GRM7: variants seen among roughly 807,000 people sequenced by gnomAD.
GRM7 encodes glutamate metabotropic receptor 7, also known as metabotropic glutamate receptor 7.
GRM7 carries 35 observed loss-of-function variants against 84.5 expected under a neutral mutation model. The observed-to-expected ratio is 0.41, with a 90% CI of 0.32 to 0.55. The LOEUF (loss-of-function observed/expected upper bound fraction) is 0.55. Among genes scored for constraint, GRM7 ranks in the 20% least tolerant of loss-of-function variants. The pLI is 0.19. For missense variants in GRM7, 1,003 were observed against 1,194.6 expected (o/e 0.84, Z 2.36); for synonymous variants, 487 against 455.1 (o/e 1.07, Z -0.89).
At chr3:7,336,782 C>T (rs1451056744) in intron 4 of GRM7, among the ~76,000 whole-genome samples, 1 of 151,088 alleles carries the variant, frequency 6.6e-6, no homozygotes, top group Non-Finnish European at 1.5e-5. Context: ...AAGAGCTCAA[C>T]CTCTTTCACA....
At chr3:7,566,306 A>ACTTTG (rs1694265300) in intron 7 of GRM7, among the ~76,000 whole-genome samples, 1 of 152,146 alleles carries the variant, frequency 6.6e-6, no homozygotes, top group Admixed American at 6.5e-5. Context: ...GTTTTGACCC[A>ACTTTG]TAGGCCAGCT....
intron 7 of GRM7, among the ~76,000 whole-genome samples, chr3:7,537,802 A>G (rs1692636413): frequency 6.6e-6 from 1 of 152,214 alleles, no homozygotes; most frequent in Non-Finnish European, 1.5e-5. Context: ...GCAGATGTAT[A>G]TCTTCAGATG....
intron 7 of GRM7, among the ~76,000 whole-genome samples, chr3:7,552,742 A>G (rs1693545903): frequency 6.6e-6 from 1 of 152,226 alleles, no homozygotes; most frequent in Admixed American, 6.5e-5. Flanking sequence ...GAGACTGTGC[A>G]AAGCAGCGAG....
chr3:7,310,369 AT>A (rs570062600), intron 4 of GRM7, among the ~76,000 whole-genome samples: 30 of 152,344 alleles, frequency 2.0e-4, no homozygotes, highest in Admixed American at 5.2e-4. Flanking sequence ...CTTTTTAAAA[AT>A]AATAGTAATT....
Position 7,244,716 on chromosome 3 carries a change from A to G in GRM7, c.737-53968A>G, listed in dbSNP as rs373518600. ...AACAAAACAATAGTCTTCAAAAAAT[A>G]TAAATGATTTGCTGGCTTTGACAAT... is the stretch of plus-strand genomic sequence containing the variant. On this transcript the variant is annotated intron_variant, in intron 2 of 9. Coordinates refer to ENST00000357716, the MANE Select transcript of GRM7 (RefSeq NM_000844.4). Among the ~76,000 whole-genome samples the G allele has an allele frequency of 7.2e-5, 11 of 152,234 alleles. 1 individual carries two copies. Among genetic ancestry groups the G allele is most frequent in the Admixed American group, 5.2e-4 (8 of 15,268 alleles).
At chr3:6,970,826 C>G (rs1228116365) in intron 1 of GRM7, among the ~76,000 whole-genome samples, 5 of 152,002 alleles carry the variant, frequency 3.3e-5, no homozygotes, top group Non-Finnish European at 7.4e-5. Context: ...AAACAAAATA[C>G]AAAAAATTAG....
In GRM7 at chr3:7,556,909, T is replaced by C. The variant is rs115534634; in HGVS notation, c.1516-21513T>C. 5.5e-3 allele frequency among the ~76,000 whole-genome samples: 842 copies of C among 152,280 alleles called. 6 individuals are homozygous for C. The highest frequency in any genetic ancestry group is 0.019 in the African/African-American group (794 of 41,578). ...AGAATATGGCTGTAAAGCTCAGCTA[T>C]GGTAAACCTCTGGAGAATGCTCATA... On this transcript the variant is annotated intron_variant, in intron 7 of 9. Coordinates refer to ENST00000357716, the MANE Select transcript of GRM7 (RefSeq NM_000844.4).
intron 7 of GRM7, among the ~76,000 whole-genome samples, chr3:7,575,016 C>T (rs1223728290): frequency 6.6e-6 from 1 of 152,120 alleles, no homozygotes; most frequent in African/African-American, 2.4e-5. Flanking sequence ...AAACACTTTC[C>T]TAGGACTCTA....
At position 7,452,662 on chromosome 3, in the gene GRM7, C is replaced by T. The variant is rs143220145; in HGVS notation, c.1230C>T (p.Phe410=). ...ATGAGCAGGAGGGTAAAGTCCAGTT[C>T]GTGATTGACGCAGTCTATGCTATGG... ...SNYEQEGKVQ[F]VIDAVYAMAH... Residue 410 remains phenylalanine (F), a synonymous_variant, in exon 6 of 10, where the codon TTC becomes TTT. Transcript: ENST00000357716. 145 of 1,612,998 alleles carry T rather than the reference C, an allele frequency of 9.0e-5. No individual in the cohort carries two copies. Among genetic ancestry groups the T allele is most frequent in the African/African-American group, 3.3e-4 (25 of 74,822 alleles).
chr3:7,425,162 G>A (rs989177324), intron 5 of GRM7, among the ~76,000 whole-genome samples: 4 of 152,256 alleles, frequency 2.6e-5, no homozygotes, highest in Middle Eastern at 6.8e-3. Context: ...ATAAGGGCTC[G>A]TAGTAGAACA....
At chr3:7,633,558 T>G (rs80220012) in intron 8 of GRM7, among the ~76,000 whole-genome samples, 1,867 of 152,174 alleles carry the variant, frequency 0.012, 40 homozygotes, top group African/African-American at 0.043. Flanking sequence ...CAGGGGTATT[T>G]AGGAGGAGGG....
intron 1 of GRM7, among the ~76,000 whole-genome samples, chr3:6,905,982 T>G (rs77207023): frequency 0.021 from 3,178 of 152,294 alleles, 120 homozygotes; most frequent in African/African-American, 0.073. Context: ...TTTGTGTAAG[T>G]TAGCTTTTGT....
intron 4 of GRM7, among the ~76,000 whole-genome samples, chr3:7,413,673 G>A (rs73810630): frequency 0.041 from 6,307 of 152,038 alleles, 435 homozygotes; most frequent in African/African-American, 0.14. Flanking sequence ...TCTACCTGTC[G>A]AACCACCCAG....
intron 1 of GRM7, among the ~76,000 whole-genome samples, chr3:7,065,106 C>G (rs752415345): frequency 2.0e-5 from 3 of 151,628 alleles, no homozygotes; most frequent in Admixed American, 1.3e-4. Context: ...GTCAGATGTA[C>G]AGATTGTGAA....
chr3:7,225,282 A>G (rs1268146960), intron 2 of GRM7, among the ~76,000 whole-genome samples: 1 of 151,134 alleles, frequency 6.6e-6, no homozygotes, highest in Non-Finnish European at 1.5e-5. Context: ...TTTTAGCAAT[A>G]TGTGACTATA....
Position 7,306,644 on chromosome 3 carries a change from C to A in GRM7, c.1025C>A (p.Thr342Lys). Residue 342 changes from threonine to lysine, a missense_variant, in exon 4 of 10, where the codon ACG becomes AAG. Transcript: ENST00000357716. ...ATCACCATTCAGCCCAAGCGAGCCA[C>A]GGTGGAAGGTATGGGTTTCATCAGC... ...GAITIQPKRA[T>K]VEGFDAYFTS... is the part of the protein sequence containing the mutation. The A allele has an allele frequency of 2.5e-6, 4 of 1,600,320 alleles. No homozygotes were observed. The highest frequency in any genetic ancestry group is 3.4e-6 in the Non-Finnish European group (4 of 1,172,866).
intron 7 of GRM7, among the ~76,000 whole-genome samples, chr3:7,556,056 C>A (rs1693742083): frequency 6.6e-6 from 1 of 152,216 alleles, no homozygotes; most frequent in East Asian, 1.9e-4. Flanking sequence ...GGCTTATAAA[C>A]AACAGGCATT....
intron 1 of GRM7, among the ~76,000 whole-genome samples, chr3:7,000,018 TA>T (rs1257520929): frequency 2.0e-5 from 3 of 152,206 alleles, no homozygotes; most frequent in African/African-American, 7.2e-5. Flanking sequence ...CCTTCAATAA[TA>T]AATGGCATTG....
chr3:7,350,081 G>T (rs539186409), intron 4 of GRM7, among the ~76,000 whole-genome samples: 2 of 152,046 alleles, frequency 1.3e-5, no homozygotes, highest in African/African-American at 2.4e-5. Context: ...TGACCCTTGC[G>T]TAAGTACCTA....
Sources: gnomAD v4.1 joint callset for allele counts (sites outside exome capture counted in the v4.1 genomes callset) on GRCh38, gnomAD v4.1.1 for gene constraint, MANE v1.5 for transcripts, NCBI Gene and HGNC (gene_info 2026-07-23, HGNC 2026-07-21) for gene names.